MARCHF1: variants seen among roughly 807,000 people sequenced by gnomAD.
MARCHF1 encodes E3 ubiquitin-protein ligase MARCHF1.
Under a neutral mutation model 54.2 loss-of-function variants are expected in MARCHF1, and 40 were observed. The ratio of observed to expected loss-of-function variants is 0.74; its 90% CI spans 0.57 to 0.96. The LOEUF (loss-of-function observed/expected upper bound fraction) is 0.96. Among genes scored for constraint, MARCHF1 ranks in the 40% least tolerant of loss-of-function variants. The pLI is 0.00. For synonymous variants in MARCHF1, 236 were observed against 236.3 expected (o/e 1.00, Z 0.01); for missense variants, 586 against 656.5 (o/e 0.89, Z 1.17).
chr4:164,010,669 A>G (rs1349410526), intron 2 of MARCHF1, among the ~76,000 whole-genome samples: 1 of 152,160 alleles, frequency 6.6e-6, no homozygotes, highest in Non-Finnish European at 1.5e-5. Context: ...AAGAATTAAT[A>G]TTTTTAAAAT....
intron 1 of MARCHF1, among the ~76,000 whole-genome samples, chr4:164,264,659 C>T (rs1733558811): frequency 1.3e-5 from 2 of 152,110 alleles, no homozygotes; most frequent in African/African-American, 4.8e-5. Flanking sequence ...GTGGCTCACA[C>T]CTGTAATCCC....
intron 3 of MARCHF1, among the ~76,000 whole-genome samples, chr4:163,878,118 C>T (rs1034730097): frequency 7.9e-5 from 12 of 152,192 alleles, no homozygotes; most frequent in Admixed American, 4.6e-4. Context: ...ACTGCTTCTT[C>T]TTAACTTCCT....
At chr4:163,587,317 CAT>C (rs1393351391) in intron 7 of MARCHF1, among the ~76,000 whole-genome samples, 1 of 152,248 alleles carries the variant, frequency 6.6e-6, no homozygotes, top group African/African-American at 2.4e-5. Context: ...TATATACACT[CAT>C]ATGTTTACTG....
At chr4:163,593,194 AG>A (rs1740648115) in intron 7 of MARCHF1, among the ~76,000 whole-genome samples, 2 of 152,170 alleles carry the variant, frequency 1.3e-5, no homozygotes, top group Non-Finnish European at 2.9e-5. Flanking sequence ...GAATATCCGA[AG>A]GTTATGATTT....
In MARCHF1 at chr4:163,773,666, G is replaced by T. The variant is rs370247304; in HGVS notation, c.112-72803C>A. Among the ~76,000 whole-genome samples the T allele has an allele frequency of 5.5e-4, 83 of 152,278 alleles. 2 individuals are homozygous for T. The South Asian group carries it at 0.016, about 30-fold the overall frequency. On this transcript the variant is annotated intron_variant, in intron 4 of 9. Coordinates refer to ENST00000514618, the MANE Select transcript of MARCHF1 (RefSeq NM_001394959.1). ...AGTGTGAGACTGACAAAAGCAATGG[G>T]TGACACCTCATTTTTCACACACCTC...
chr4:164,318,440 T>C (rs1311439984), intron 1 of MARCHF1, among the ~76,000 whole-genome samples: 1 of 152,102 alleles, frequency 6.6e-6, no homozygotes, highest in African/African-American at 2.4e-5. Context: ...AATTCAGAAA[T>C]GGTCAAGTGA....
chr4:163,897,811 CT>C (rs940476021), intron 3 of MARCHF1, among the ~76,000 whole-genome samples: 33 of 152,108 alleles, frequency 2.2e-4, no homozygotes, highest in African/African-American at 7.7e-4. Context: ...AATCCCAGCA[CT>C]TTGGGAGGCC....
At chr4:163,973,825 T>C (rs1357510199) in intron 3 of MARCHF1, among the ~76,000 whole-genome samples, 1 of 152,242 alleles carries the variant, frequency 6.6e-6, no homozygotes, top group Non-Finnish European at 1.5e-5. Context: ...GCCAGCCCAG[T>C]GCTTGGCTCT....
intron 4 of MARCHF1, among the ~76,000 whole-genome samples, chr4:163,821,850 A>C (rs1748701914): frequency 6.6e-6 from 1 of 151,460 alleles, no homozygotes; most frequent in Non-Finnish European, 1.5e-5. Context: ...ATATAATCAC[A>C]CTTCCATGGG....
intron 1 of MARCHF1, among the ~76,000 whole-genome samples, chr4:164,245,185 T>A (rs975181415): frequency 5.9e-5 from 9 of 152,178 alleles, no homozygotes; most frequent in Admixed American, 5.9e-4. Context: ...ATATCCTTGA[T>A]GAACATTGAT....
At chr4:164,202,596 G>A (rs1731484578) in intron 1 of MARCHF1, among the ~76,000 whole-genome samples, 1 of 152,134 alleles carries the variant, frequency 6.6e-6, no homozygotes, top group South Asian at 2.1e-4. Context: ...AGCTTAGGCT[G>A]TTTCAGAAAC....
chr4:164,002,716 A>G (rs1753209958), intron 2 of MARCHF1, among the ~76,000 whole-genome samples: 1 of 151,864 alleles, frequency 6.6e-6, no homozygotes, highest in African/African-American at 2.4e-5. Flanking sequence ...GAAGCCCATC[A>G]AATCCCAAAC....
chr4:164,348,048 A>G (rs947922369), intron 1 of MARCHF1, among the ~76,000 whole-genome samples: 1 of 152,210 alleles, frequency 6.6e-6, no homozygotes, highest in Non-Finnish European at 1.5e-5. Flanking sequence ...CATAAATTAA[A>G]TGAAAAAGAA....
intron 3 of MARCHF1, among the ~76,000 whole-genome samples, chr4:163,940,020 C>A (rs1751879450): frequency 6.6e-6 from 1 of 152,068 alleles, no homozygotes; most frequent in Admixed American, 6.6e-5. Context: ...AAGGGTGACA[C>A]CCTCATGAAT....
chr4:163,894,171 T>A (rs1162000727), intron 3 of MARCHF1, among the ~76,000 whole-genome samples: 1 of 152,142 alleles, frequency 6.6e-6, no homozygotes, highest in Non-Finnish European at 1.5e-5. Flanking sequence ...ACCTAATTTG[T>A]GTCATCCTTC....
chr4:163,720,623 T>A (rs917200070), intron 4 of MARCHF1, among the ~76,000 whole-genome samples: 1 of 152,332 alleles, frequency 6.6e-6, no homozygotes, highest in East Asian at 1.9e-4. Flanking sequence ...TTGGGCAGTA[T>A]GGCCATTTTC....
intron 1 of MARCHF1, among the ~76,000 whole-genome samples, chr4:164,243,961 G>C (rs1398158119): frequency 6.6e-6 from 1 of 152,072 alleles, no homozygotes; most frequent in African/African-American, 2.4e-5. Context: ...CATAAAGCAA[G>C]TCTGAGTGAC....
At chr4:164,248,563 G>A (rs774887160) in intron 1 of MARCHF1, among the ~76,000 whole-genome samples, 10 of 151,902 alleles carry the variant, frequency 6.6e-5, no homozygotes, top group Non-Finnish European at 1.5e-4. Flanking sequence ...CTTCTGAAAC[G>A]CAACCTAAAT....
At chr4:164,150,053 T>C (rs565205123) in intron 1 of MARCHF1, among the ~76,000 whole-genome samples, 2 of 152,270 alleles carry the variant, frequency 1.3e-5, no homozygotes, top group African/African-American at 4.8e-5. Context: ...AACGATGTGA[T>C]GGAACAGTTA....
Sources: gnomAD v4.1 joint callset for allele counts (sites outside exome capture counted in the v4.1 genomes callset) on GRCh38, gnomAD v4.1.1 for gene constraint, MANE v1.5 for transcripts, NCBI Gene and HGNC (gene_info 2026-07-23, HGNC 2026-07-21) for gene names.